Variants in WNT2 observed in about 807,000 individuals in gnomAD.
WNT2 encodes the protein protein Wnt-2.
Under a neutral mutation model 36.9 loss-of-function variants are expected in WNT2, and 12 were observed. The observed-to-expected ratio is 0.33, with a 90% CI of 0.21 to 0.53. WNT2 has a LOEUF of 0.53. Ranked by LOEUF, WNT2 falls within the 20% of genes least tolerant of loss-of-function variation. The pLI is 0.95. For synonymous variants in WNT2, 163 were observed against 174.6 expected, an observed-to-expected ratio of 0.93 and a Z score of 0.52; for missense variants, 379 against 473.1, an observed-to-expected ratio of 0.80 and a Z score of 1.84.
chr7:117,291,739 A>G (rs1248900946), intron 4 of WNT2, among the ~76,000 whole-genome samples: 1 of 152,156 alleles, frequency 6.6e-6, no homozygotes, highest in Non-Finnish European at 1.5e-5. Context: ...TTCTTGCCAT[A>G]ATAATATCTT....
intron 3 of WNT2, among the ~76,000 whole-genome samples, chr7:117,314,185 T>C (rs1282768542): frequency 1.3e-5 from 2 of 152,336 alleles, no homozygotes; most frequent in East Asian, 3.9e-4. Flanking sequence ...AAATATTTGA[T>C]TCACCCAGCC....
At chr7:117,287,624 T>C (rs1794609759) in intron 4 of WNT2, among the ~76,000 whole-genome samples, 1 of 151,986 alleles carries the variant, frequency 6.6e-6, no homozygotes, top group African/African-American at 2.4e-5. Flanking sequence ...TTATGCTTTC[T>C]TCTATATACT....
At chr7:117,321,204 TGG>T (rs1454122702) in intron 1 of WNT2, among the ~76,000 whole-genome samples, 1 of 152,184 alleles carries the variant, frequency 6.6e-6, no homozygotes, top group Non-Finnish European at 1.5e-5. Flanking sequence ...GACTTGGCTT[TGG>T]GGGAAGCTGA....
chr7:117,309,973 T>C (rs1795091465), intron 3 of WNT2, among the ~76,000 whole-genome samples: 1 of 152,108 alleles, frequency 6.6e-6, no homozygotes, highest in Admixed American at 6.5e-5. Flanking sequence ...TGATATGGGA[T>C]CTCACTATGT....
chr7:117,313,612 T>C (rs1404917271), intron 3 of WNT2, among the ~76,000 whole-genome samples: 1 of 152,258 alleles, frequency 6.6e-6, no homozygotes, highest in African/African-American at 2.4e-5. Context: ...TCTTTTATCT[T>C]TCCAAATAGA....
intron 4 of WNT2, among the ~76,000 whole-genome samples, chr7:117,283,660 G>A (rs969582430): frequency 2.6e-5 from 4 of 152,202 alleles, no homozygotes; most frequent in Admixed American, 2.0e-4. Context: ...TCAGTGTAGT[G>A]ACCTCAACAC....
At chr7:117,308,075 C>CATTT (rs1357741014) in intron 3 of WNT2, among the ~76,000 whole-genome samples, 1 of 152,194 alleles carries the variant, frequency 6.6e-6, no homozygotes, top group African/African-American at 2.4e-5. Context: ...AAGCCAAGTA[C>CATTT]ATTTATTCAC....
intron 4 of WNT2, 39 bp from the exon 5 acceptor site, chr7:117,278,423 G>T: frequency 6.3e-7 from 1 of 1,578,806 alleles, no homozygotes; most frequent in Non-Finnish European, 8.6e-7. Context: ...AAAAGGTCTG[G>T]GTGGAATCCA....
intron 3 of WNT2, among the ~76,000 whole-genome samples, chr7:117,310,380 C>A (rs1795097711): frequency 6.6e-6 from 1 of 151,774 alleles, no homozygotes; most frequent in South Asian, 2.1e-4. Flanking sequence ...GCCTGGGCAA[C>A]ATGGCGAAAC....
At chr7:117,310,359 G>T (rs2116378716) in intron 3 of WNT2, among the ~76,000 whole-genome samples, 1 of 152,044 alleles carries the variant, frequency 6.6e-6, no homozygotes, top group African/African-American at 2.4e-5. Context: ...GAGCCCAGGA[G>T]TTCAAGACCA....
At chr7:117,302,031 G>A (rs1794916641) in intron 3 of WNT2, among the ~76,000 whole-genome samples, 1 of 151,628 alleles carries the variant, frequency 6.6e-6, no homozygotes, top group African/African-American at 2.4e-5. Context: ...CTGGTCCTCA[G>A]GTGATCCATC....
intron 4 of WNT2, among the ~76,000 whole-genome samples, chr7:117,297,298 G>T (rs1351206643): frequency 6.6e-6 from 1 of 152,042 alleles, no homozygotes; most frequent in East Asian, 1.9e-4. Flanking sequence ...GTGCACCTCA[G>T]CCTCCTGAGT....
rs75106045 is a variant in WNT2, at chr7:117,279,046, C to T, written c.854-662G>A. 3.6e-3 allele frequency among the ~76,000 whole-genome samples: 549 copies of T among 152,226 alleles called. 3 individuals carry two copies. The highest frequency in any genetic ancestry group is 0.012 in the African/African-American group (505 of 41,546). ...ATATAGATGTGTGTGAGGTCCCAGGCGAAGCCAGGATTCAAGGCCTTCAAT... is the reference window on the plus strand; with the variant it reads ...ATATAGATGTGTGTGAGGTCCCAGGTGAAGCCAGGATTCAAGGCCTTCAAT... On this transcript the variant is annotated intron_variant, in intron 4 of 4. Transcript: ENST00000265441.
intron 3 of WNT2, among the ~76,000 whole-genome samples, chr7:117,299,966 C>G (rs965382550): frequency 6.6e-6 from 1 of 152,152 alleles, no homozygotes; most frequent in Non-Finnish European, 1.5e-5. Flanking sequence ...GCAACCTCCT[C>G]CCTTCCTTGC....
chr7:117,320,615 T>C lies in WNT2; in HGVS notation c.262A>G (p.Asn88Asp), dbSNP rs762438850. 1 of 1,614,026 alleles carries C rather than the reference T, an allele frequency of 6.2e-7. No homozygotes were observed. Among genetic ancestry groups the C allele is most frequent in the Non-Finnish European group, 8.5e-7 (1 of 1,179,974 alleles). Residue 88 changes from asparagine (N) to aspartate (D), a missense_variant, in exon 2 of 5, where the codon AAC (asparagine) becomes GAC (aspartate). Asn to Asp is a conservative substitution (Grantham distance 23). Transcript: ENST00000265441. ...HQFRQHRWNCNTLDRDHSLFG... is the reference protein window; with the variant it reads ...HQFRQHRWNCDTLDRDHSLFG... ...AGGCTGTGATCCCTGTCCAGGGTGT[T>C]GCAATTCCAGCGGTGCTGGCGGAAC...
At chr7:117,294,181 G>T (rs1171445075) in intron 4 of WNT2, among the ~76,000 whole-genome samples, 1 of 152,164 alleles carries the variant, frequency 6.6e-6, no homozygotes, top group Middle Eastern at 3.2e-3. Context: ...TTATAGGCAT[G>T]AGCCACTGTG....
chr7:117,321,396 C>A (rs2116396595), intron 1 of WNT2, among the ~76,000 whole-genome samples: 1 of 152,124 alleles, frequency 6.6e-6, no homozygotes. Context: ...TTATAAAGAT[C>A]CTTTGGAAAA....
At position 117,322,755 on chromosome 7, in the gene WNT2, C is replaced by A; in HGVS notation, c.83+152G>T. The A allele has an allele frequency of 1.4e-6, 1 of 725,686 alleles. No individual in the cohort carries two copies. Among genetic ancestry groups the A allele is most frequent in the South Asian group, 1.6e-5 (1 of 63,770 alleles). 45.0% of individuals were successfully genotyped at this position (725,686 alleles called of 1,614,324 possible). The stretch of plus-strand genomic sequence containing the variant: ...CTTCTGGGAAAAGAGAAGGGGCTCA[C>A]CATGGGGCGATAAGAGGGCAGTAGC... On this transcript the variant is annotated intron_variant, in intron 1 of 4. Coordinates refer to ENST00000265441, the MANE Select transcript of WNT2 (RefSeq NM_003391.3). This position sits in a 1 kb window ranked among gnomAD's most constrained non-coding sequence, Gnocchi z 5.4.
At chr7:117,295,886 T>G (rs1178003941) in intron 4 of WNT2, among the ~76,000 whole-genome samples, 2 of 152,216 alleles carry the variant, frequency 1.3e-5, no homozygotes. Flanking sequence ...TTGGTTGGTG[T>G]TGATCATCTA....
Sources: gnomAD v4.1 joint callset for allele counts (sites outside exome capture counted in the v4.1 genomes callset) on GRCh38, gnomAD v4.1.1 for gene constraint, Gnocchi (gnomAD v3.1) non-coding constraint, MANE v1.5 for transcripts, NCBI Gene and HGNC (gene_info 2026-07-23, HGNC 2026-07-21) for gene names.